Variants in SUPT16H observed in about 807,000 individuals in gnomAD.
SUPT16H encodes the protein SPT16 homolog, facilitates chromatin remodeling subunit.
SUPT16H carries 24 observed loss-of-function variants against 136.2 expected under a neutral mutation model. That is an observed-to-expected ratio of 0.18 (90% CI 0.13 to 0.25). The LOEUF (loss-of-function observed/expected upper bound fraction) is 0.25. SUPT16H is among the 10% of genes least tolerant of loss of function. The pLI is 1.00. For missense variants in SUPT16H, 623 were observed against 1,270.2 expected (o/e 0.49, Z 7.74); for synonymous variants, 415 against 428.2 (o/e 0.97, Z 0.38).
chr14:21,376,034 A>G (rs1040169986), intron 1 of SUPT16H, among the ~76,000 whole-genome samples: 7 of 152,150 alleles, frequency 4.6e-5, no homozygotes, highest in African/African-American at 1.4e-4. Context: ...TTTTCAATTA[A>G]TTTTTTTGTA....
intron 4 of SUPT16H, 145 bp from the exon 5 acceptor site, chr14:21,370,041 T>C (rs1886752481): frequency 2.8e-6 from 3 of 1,063,726 alleles, no homozygotes; most frequent in Non-Finnish European, 4.0e-6. Flanking sequence ...ATTCTCTTCT[T>C]GAACTGAATA....
In SUPT16H at chr14:21,351,521, A is replaced by G; in HGVS notation, c.*1152T>C. 4.3e-6 allele frequency: 1 copy of G among 234,746 alleles called. No homozygotes were observed. The highest frequency in any genetic ancestry group is 1.1e-4 in the South Asian group (1 of 8,864). The allele number at this position is 234,746 out of a possible 1,614,324, so 14.5% of individuals were successfully genotyped here. A position where few individuals can be genotyped will look rare whatever the true frequency, so the allele number is the denominator to read the frequency against. ...AAAAAACCCAGTTTATTCATCTTTTAGTTCTTCCAAAATTGAAAATATCAA... is the reference window on the plus strand; with the variant it reads ...AAAAAACCCAGTTTATTCATCTTTTGGTTCTTCCAAAATTGAAAATATCAA... On this transcript the variant is annotated 3_prime_UTR_variant, in exon 26 of 26. Coordinates refer to ENST00000216297, the MANE Select transcript of SUPT16H (RefSeq NM_007192.4).
chr14:21,357,599 A>G (rs1594298236), intron 21 of SUPT16H, among the ~76,000 whole-genome samples: 1 of 152,118 alleles, frequency 6.6e-6, no homozygotes, highest in Non-Finnish European at 1.5e-5. Context: ...ATGTGAAGGA[A>G]CCATTTAAAA....
intron 2 of SUPT16H, chr14:21,372,508 G>A: frequency 3.1e-6 from 1 of 322,088 alleles, no homozygotes; most frequent in East Asian, 8.5e-5. Flanking sequence ...ATCAAATTTT[G>A]GCCAATAGGT....
In SUPT16H at chr14:21,363,036, C is replaced by T; in HGVS notation, c.1509G>A (p.Gln503=). 6.2e-7 allele frequency: 1 copy of T among 1,614,050 alleles called. No homozygotes were observed. Among genetic ancestry groups the T allele is most frequent in the Non-Finnish European group, 8.5e-7 (1 of 1,180,034 alleles). Residue 503 remains glutamine, a splice_region_variant and synonymous_variant, in exon 13 of 26, where the codon CAG becomes CAA. Transcript: ENST00000216297. ...CACTGCTCAGTGAAAACTCTTACTT[C>T]TGAATCTGCTGTTCTCCCTTTTGTT... The part of the protein sequence containing the change: ...LTEQKGEQQI[Q]KARKSNVSYK...
At chr14:21,365,320 G>A (rs1218876865) in intron 8 of SUPT16H, among the ~76,000 whole-genome samples, 177 bp from the exon 9 acceptor site, 2 of 152,162 alleles carry the variant, frequency 1.3e-5, no homozygotes, top group African/African-American at 4.8e-5. Context: ...CTCTAAACAT[G>A]CTGTATAATC....
At chr14:21,377,507 A>G (rs1390504762) in intron 1 of SUPT16H, among the ~76,000 whole-genome samples, 1 of 152,214 alleles carries the variant, frequency 6.6e-6, no homozygotes, top group East Asian at 1.9e-4. Flanking sequence ...CTATATTATT[A>G]ACCAAAAGTG....
At chr14:21,382,760 T>C (rs1887059023) in intron 1 of SUPT16H, among the ~76,000 whole-genome samples, 1 of 152,250 alleles carries the variant, frequency 6.6e-6, no homozygotes, top group African/African-American at 2.4e-5. Flanking sequence ...TCATCTAGCA[T>C]TTAGTTCTTA....
At chr14:21,382,559 C>A (rs1431644936) in intron 1 of SUPT16H, among the ~76,000 whole-genome samples, 4 of 152,160 alleles carry the variant, frequency 2.6e-5, no homozygotes, top group Non-Finnish European at 5.9e-5. Flanking sequence ...CAAAGGTTCA[C>A]AGTTTCAGGG....
At chr14:21,369,977 C>T in intron 4 of SUPT16H, 81 bp from the exon 5 acceptor site, 2 of 1,487,528 alleles carry the variant, frequency 1.3e-6, no homozygotes, top group Non-Finnish European at 9.3e-7. Context: ...TGAATATTAC[C>T]AGTGATATTT....
At chr14:21,375,509 C>T (rs1886882259) in intron 1 of SUPT16H, among the ~76,000 whole-genome samples, 1 of 135,858 alleles carries the variant, frequency 7.4e-6, no homozygotes, top group Admixed American at 7.4e-5. Context: ...ACATTTTCTC[C>T]CATTCTGTGC....
intron 1 of SUPT16H, among the ~76,000 whole-genome samples, chr14:21,380,378 C>T (rs1886997934): frequency 6.7e-6 from 1 of 148,742 alleles, no homozygotes; most frequent in Non-Finnish European, 1.5e-5. Context: ...TCAAGCAATC[C>T]TTCCACCTCA....
At chr14:21,381,206 T>A (rs1202645481) in intron 1 of SUPT16H, among the ~76,000 whole-genome samples, 1 of 152,200 alleles carries the variant, frequency 6.6e-6, no homozygotes, top group African/African-American at 2.4e-5. Flanking sequence ...ATACAGGGCT[T>A]AATATTTTTG....
intron 10 of SUPT16H, among the ~76,000 whole-genome samples, chr14:21,364,600 T>C (rs949039138): frequency 1.3e-5 from 2 of 152,180 alleles, no homozygotes; most frequent in African/African-American, 4.8e-5. Flanking sequence ...GTTCCTGATA[T>C]TATCATTATC....
chr14:21,359,054 G>A (rs1328324291), intron 19 of SUPT16H, among the ~76,000 whole-genome samples: 1 of 151,606 alleles, frequency 6.6e-6, no homozygotes, highest in African/African-American at 2.4e-5. Flanking sequence ...ATCTGCCTGT[G>A]TTGGCCTCCC....
At chr14:21,352,937 G>A in intron 25 of SUPT16H, 119 bp from the exon 26 acceptor site, 2 of 1,323,364 alleles carry the variant, frequency 1.5e-6, no homozygotes, top group Non-Finnish European at 2.1e-6. Flanking sequence ...TTTAATATTG[G>A]GCAAGTACTT....
At chr14:21,355,665 A>G (rs1886417844) in intron 22 of SUPT16H, among the ~76,000 whole-genome samples, 2 of 152,106 alleles carry the variant, frequency 1.3e-5, no homozygotes, top group Admixed American at 1.3e-4. Context: ...CCCAGTACCT[A>G]AAGTGCCCTG....
intron 23 of SUPT16H, among the ~76,000 whole-genome samples, chr14:21,354,085 A>C (rs1886378431): frequency 6.6e-6 from 1 of 152,190 alleles, no homozygotes; most frequent in Non-Finnish European, 1.5e-5. Flanking sequence ...TTAACAACAG[A>C]AAGACTTTCT....
intron 15 of SUPT16H, 195 bp from the exon 16 acceptor site, chr14:21,361,408 C>T (rs1455140868): frequency 1.5e-6 from 1 of 650,442 alleles, no homozygotes; most frequent in East Asian, 3.1e-5. Context: ...CCTTCGCCTC[C>T]TGGGTTCAAG....
Sources: gnomAD v4.1 joint callset for allele counts (sites outside exome capture counted in the v4.1 genomes callset) on GRCh38, gnomAD v4.1.1 for gene constraint, MANE v1.5 for transcripts, NCBI Gene and HGNC (gene_info 2026-07-23, HGNC 2026-07-21) for gene names.